Variants in CNIH4 observed in about 807,000 individuals in gnomAD.
CNIH4 encodes the protein cornichon family member 4, also known as protein cornichon homolog 4.
In CNIH4, 9 loss-of-function variants were observed where a neutral mutation model predicts 21.5. That is an observed-to-expected ratio of 0.42 (90% CI 0.25 to 0.73). CNIH4 has a LOEUF of 0.73. Among genes scored for constraint, CNIH4 ranks in the 30% least tolerant of loss-of-function variants. CNIH4 has a pLI of 0.27. For synonymous variants in CNIH4, 67 were observed against 59.1 expected, an observed-to-expected ratio of 1.13 and a Z score of -0.61; for missense variants, 159 against 170.0, an observed-to-expected ratio of 0.94 and a Z score of 0.36.
intron 4 of CNIH4, among the ~76,000 whole-genome samples, chr1:224,373,876 A>C (rs904557098): frequency 2.6e-5 from 4 of 152,132 alleles, no homozygotes; most frequent in African/African-American, 9.7e-5. Flanking sequence ...GGAGGAATTA[A>C]GATGTAATTT....
intron 4 of CNIH4, among the ~76,000 whole-genome samples, chr1:224,372,730 G>C (rs1033224103): frequency 3.3e-5 from 5 of 151,090 alleles, no homozygotes; most frequent in East Asian, 1.9e-4. Context: ...CTACAGGTGC[G>C]TGCCACCACG....
rs1019628519 is a variant in CNIH4 at position 224,371,405 on chromosome 1, T to G, written c.374T>G (p.Phe125Cys). ...MIKLGFHLLCFFMYLYSMILA... is the reference protein window; with the variant it reads ...MIKLGFHLLCCFMYLYSMILA... ...AAGCTTGGTTTCCACTTGCTCTGCT[T>G]CTTCATGTATCTTTATAGGTGAGTT... Residue 125 changes from phenylalanine (F) to cysteine (C), a missense_variant, in exon 4 of 5, where the codon TTC becomes TGC. Coordinates refer to ENST00000465271, the MANE Select transcript of CNIH4 (RefSeq NM_014184.4). 1 of 1,613,470 alleles carries G rather than the reference T, an allele frequency of 6.2e-7. No individual in the cohort carries two copies. The highest frequency in any genetic ancestry group is 8.5e-7 in the Non-Finnish European group (1 of 1,179,860).
chr1:224,373,124 C>A (rs1672679845), intron 4 of CNIH4, among the ~76,000 whole-genome samples: 2 of 151,928 alleles, frequency 1.3e-5, no homozygotes, highest in South Asian at 4.2e-4. Flanking sequence ...ATTCTCATAC[C>A]CTACCTCATT....
Position 224,371,308 on chromosome 1 carries a change from A to G in CNIH4, c.277A>G (p.Met93Val), listed in dbSNP as rs762687236. ...YRYIMVPSGN[M>V]GVFDPTEIHN... ...ATACATTATGGTGCCGAGTGGTAAC[A>G]TGGGAGTGTTTGATCCAACAGAAAT... Residue 93 changes from methionine to valine, a missense_variant, in exon 4 of 5, where the codon ATG becomes GTG. Coordinates refer to ENST00000465271, the MANE Select transcript of CNIH4 (RefSeq NM_014184.4). 6.2e-7 allele frequency: 1 copy of G among 1,613,940 alleles called. No homozygotes were observed. The highest frequency in any genetic ancestry group is 1.3e-5 in the African/African-American group (1 of 74,932).
chr1:224,358,327 A>T (rs971416464), intron 1 of CNIH4, among the ~76,000 whole-genome samples: 1 of 152,192 alleles, frequency 6.6e-6, no homozygotes, highest in Non-Finnish European at 1.5e-5. Context: ...ACCCTCCCCA[A>T]TTGAGCAGCA....
intron 4 of CNIH4, 65 bp downstream of exon 4, chr1:224,371,488 A>T: frequency 6.8e-7 from 1 of 1,468,950 alleles, no homozygotes; most frequent in Non-Finnish European, 9.3e-7. Flanking sequence ...AGATATTACT[A>T]TACTATAGGA....
intron 3 of CNIH4, among the ~76,000 whole-genome samples, chr1:224,370,143 G>T (rs770661507): frequency 2.4e-4 from 37 of 151,926 alleles, no homozygotes; most frequent in Non-Finnish European, 7.4e-5. Context: ...ACTGGACAAG[G>T]GTTTGATGGA....
At chr1:224,361,819 A>C (rs967279185) in intron 2 of CNIH4, among the ~76,000 whole-genome samples, 1 of 152,080 alleles carries the variant, frequency 6.6e-6, no homozygotes, top group Non-Finnish European at 1.5e-5. Context: ...TCCTAGGCTC[A>C]AGTGATCTGC....
Position 224,376,357 on chromosome 1 carries a change from C to A in CNIH4, c.*535C>A. On this transcript the variant is annotated 3_prime_UTR_variant, in exon 5 of 5. Coordinates refer to ENST00000465271, the MANE Select transcript of CNIH4 (RefSeq NM_014184.4). ...AGAATGTCAACAGAGAATGGCATCT[C>A]AAAATATATATATTTCTTTGCACAA... 2.0e-6 allele frequency: 2 copies of A among 985,262 alleles called. No homozygotes were observed. Among genetic ancestry groups the A allele is most frequent in the Non-Finnish European group, 2.4e-6 (2 of 829,784 alleles). The allele number at this position is 985,262 out of a possible 1,614,324, so 61.0% of individuals were successfully genotyped here. A position where few individuals can be genotyped will look rare whatever the true frequency, so the allele number is the denominator to read the frequency against.
intron 2 of CNIH4, among the ~76,000 whole-genome samples, chr1:224,361,523 G>A (rs1305373207): frequency 1.3e-5 from 2 of 152,050 alleles, no homozygotes; most frequent in Admixed American, 6.6e-5. Context: ...GCAAAGTGCT[G>A]GGATTACAGG....
intron 3 of CNIH4, among the ~76,000 whole-genome samples, chr1:224,369,178 G>T (rs531845820): frequency 1.6e-4 from 24 of 152,278 alleles, no homozygotes; most frequent in Admixed American, 1.1e-3. Flanking sequence ...TGGTAAAGTT[G>T]TATCAGTCTT....
chr1:224,366,909 G>A (rs984182328), intron 3 of CNIH4, among the ~76,000 whole-genome samples: 11 of 151,762 alleles, frequency 7.2e-5, no homozygotes, highest in African/African-American at 2.4e-4. Context: ...CTTGAAGTGA[G>A]CTGAGGTCAC....
intron 4 of CNIH4, among the ~76,000 whole-genome samples, chr1:224,373,367 G>GA (rs1266284724): frequency 6.6e-6 from 1 of 152,186 alleles, no homozygotes; most frequent in Non-Finnish European, 1.5e-5. Context: ...CATGCTGTTG[G>GA]AAAGTAAACT....
chr1:224,375,381 G>T (rs1672750672), intron 4 of CNIH4, among the ~76,000 whole-genome samples: 2 of 152,168 alleles, frequency 1.3e-5, no homozygotes, highest in Admixed American at 1.3e-4. Flanking sequence ...AGAAGTTACT[G>T]CTTTGATGGA....
At position 224,356,940 on chromosome 1, in the gene CNIH4, T is replaced by C. The variant is rs199803522; in HGVS notation, c.16T>C (p.Phe6Leu). The C allele has an allele frequency of 1.2e-6, 2 of 1,611,170 alleles. No individual in the cohort carries two copies. The highest frequency in any genetic ancestry group is 8.5e-7 in the Non-Finnish European group (1 of 1,178,800). ...GAGGAGGAGGATGGAGGCGGTGGTGTTCGTCTTCTCTCTCCTCGATTGTTG... is the reference window on the plus strand; with the variant it reads ...GAGGAGGAGGATGGAGGCGGTGGTGCTCGTCTTCTCTCTCCTCGATTGTTG... Reference protein sequence around the residue: MEAVVFVFSLLDCCAL... With the variant: MEAVVLVFSLLDCCAL... The change falls in exon 1 of 5, where the codon TTC becomes CTC. Residue 6 changes from phenylalanine to leucine, a missense_variant. Coordinates refer to ENST00000465271, the MANE Select transcript of CNIH4 (RefSeq NM_014184.4).
chr1:224,370,841 G>A (rs554591626), intron 3 of CNIH4, among the ~76,000 whole-genome samples: 38 of 150,990 alleles, frequency 2.5e-4, no homozygotes, highest in African/African-American at 7.8e-4. Flanking sequence ...CTGTACATAT[G>A]TGGTATGAAT....
At chr1:224,367,603 T>C (rs897902439) in intron 3 of CNIH4, among the ~76,000 whole-genome samples, 1 of 151,918 alleles carries the variant, frequency 6.6e-6, no homozygotes, top group Non-Finnish European at 1.5e-5. Context: ...AGGTGTGATA[T>C]AGTGCACTAC....
rs917433059 is a variant in CNIH4, at chr1:224,366,359, C to CT, written c.251+377dup. Among the ~76,000 whole-genome samples, 26 of 143,374 alleles carry CT rather than the reference C, an allele frequency of 1.8e-4. No homozygotes were observed. In the East Asian group the frequency reaches 3.2e-3, roughly 18 times the overall value. 94.1% of individuals were successfully genotyped at this position (143,374 alleles called of 152,430 possible). ...AAAAAGGTGTTTAAGAGCTTTTTTT[C>CT]TTTTTTTTTGGAGATGGAGTCTCAC... On this transcript the variant is annotated intron_variant, in intron 3 of 4. Transcript: ENST00000465271.
At chr1:224,364,888 A>G (rs967740278) in intron 2 of CNIH4, among the ~76,000 whole-genome samples, 1 of 151,960 alleles carries the variant, frequency 6.6e-6, no homozygotes, top group African/African-American at 2.4e-5. Context: ...AGCCAAGATC[A>G]TGCCACTGCA....
Sources: gnomAD v4.1 joint callset for allele counts (sites outside exome capture counted in the v4.1 genomes callset) on GRCh38, gnomAD v4.1.1 for gene constraint, MANE v1.5 for transcripts, NCBI Gene and HGNC (gene_info 2026-07-23, HGNC 2026-07-21) for gene names.